TENM4: variants seen among roughly 807,000 people sequenced by gnomAD.
TENM4 encodes teneurin-4.
In TENM4, 82 loss-of-function variants were observed where a neutral mutation model predicts 243.3. The ratio of observed to expected loss-of-function variants is 0.34; its 90% confidence interval spans 0.28 to 0.40. The LOEUF (loss-of-function observed/expected upper bound fraction) is 0.40, where lower values mean the gene tolerates loss of function less well. Ranked by LOEUF, TENM4 falls within the 10% of genes least tolerant of loss-of-function variation. TENM4 has a pLI of 1.00. For missense variants in TENM4, 3,138 were observed against 3,673.3 expected, an observed-to-expected ratio of 0.85 and a Z score of 3.77; for synonymous variants, 1,412 against 1,456.3, an observed-to-expected ratio of 0.97 and a Z score of 0.69.
chr11:79,425,851 C>T (rs1565341706), intron 1 of TENM4, among the ~76,000 whole-genome samples: 1 of 152,286 alleles, frequency 6.6e-6, no homozygotes, highest in Non-Finnish European at 1.5e-5. Flanking sequence ...AACAGTGAGA[C>T]ATGTGATGAC....
At chr11:78,990,553 C>T (rs1169878919) in intron 6 of TENM4, among the ~76,000 whole-genome samples, 6 of 152,184 alleles carry the variant, frequency 3.9e-5, no homozygotes, top group African/African-American at 7.2e-5. Flanking sequence ...GAGTAATCCA[C>T]GAGATATACT....
intron 6 of TENM4, among the ~76,000 whole-genome samples, chr11:79,031,999 CCTTT>C (rs1285430980): frequency 1.3e-5 from 2 of 152,172 alleles, no homozygotes; most frequent in African/African-American, 4.8e-5. Flanking sequence ...GTTGAAAAGC[CCTTT>C]TCTGTAGCCT....
intron 19 of TENM4, among the ~76,000 whole-genome samples, chr11:78,752,869 A>T (rs962301735): frequency 6.6e-6 from 1 of 152,052 alleles, no homozygotes; most frequent in African/African-American, 2.4e-5. Context: ...TTTACTTTCC[A>T]TTAAGGAAGT....
At chr11:79,301,334 G>A (rs1458730852) in intron 1 of TENM4, among the ~76,000 whole-genome samples, 1 of 152,102 alleles carries the variant, frequency 6.6e-6, no homozygotes. Flanking sequence ...CTGTAATTGA[G>A]CCACACTGGC....
chr11:79,240,437 G>T (rs1864568473), intron 2 of TENM4, among the ~76,000 whole-genome samples: 1 of 152,078 alleles, frequency 6.6e-6, no homozygotes, highest in Admixed American at 6.6e-5. Flanking sequence ...TCCATCATAG[G>T]CCACCTCCTC....
At chr11:78,782,734 C>A (rs1269997215) in intron 16 of TENM4, among the ~76,000 whole-genome samples, 17 of 151,642 alleles carry the variant, frequency 1.1e-4, no homozygotes, top group Admixed American at 6.6e-5. Context: ...CCACTGTACT[C>A]CAGCATGCGC....
At chr11:79,041,806 G>A (rs1471670646) in intron 6 of TENM4, among the ~76,000 whole-genome samples, 4 of 152,246 alleles carry the variant, frequency 2.6e-5, no homozygotes, top group African/African-American at 7.2e-5. Flanking sequence ...GGACCCAACA[G>A]TTTTGAATAG....
chr11:78,728,745 G>A (rs1855581767), intron 22 of TENM4, among the ~76,000 whole-genome samples: 1 of 152,140 alleles, frequency 6.6e-6, no homozygotes, highest in Non-Finnish European at 1.5e-5. Flanking sequence ...GCAGGGTTAG[G>A]CCTGCTGAGA....
Position 78,790,530 on chromosome 11 carries a change from C to A in TENM4, c.2180-3447G>T, listed in dbSNP as rs181829149. On this transcript the variant is annotated intron_variant, in intron 15 of 33. Coordinates refer to ENST00000278550, the MANE Select transcript of TENM4 (RefSeq NM_001098816.3). Reference sequence around the variant, plus strand: ...TGGACAATTTCTCATTGAACTATCACAACAAGGCTGTGAAAATGCCTGGCT... The same window carrying A: ...TGGACAATTTCTCATTGAACTATCAAAACAAGGCTGTGAAAATGCCTGGCT... Among the ~76,000 whole-genome samples, 4 of 152,292 alleles carry A rather than the reference C, an allele frequency of 2.6e-5. No individual in the cohort carries two copies. The East Asian group carries it at 7.7e-4, about 29-fold the overall frequency.
At chr11:79,368,817 G>A (rs571395686) in intron 1 of TENM4, among the ~76,000 whole-genome samples, 3 of 152,268 alleles carry the variant, frequency 2.0e-5, no homozygotes, top group East Asian at 1.9e-4. Context: ...TGTCATCATC[G>A]TAGTGGGCAA....
chr11:79,244,117 T>A (rs1855472727), intron 2 of TENM4, among the ~76,000 whole-genome samples: 1 of 152,154 alleles, frequency 6.6e-6, no homozygotes, highest in South Asian at 2.1e-4. Context: ...CACAAGTTGC[T>A]GGGTCCCACC....
intron 17 of TENM4, among the ~76,000 whole-genome samples, chr11:78,772,807 G>T (rs1253556118): frequency 6.6e-6 from 1 of 152,246 alleles, no homozygotes; most frequent in Non-Finnish European, 1.5e-5. Flanking sequence ...GAAGAAACAT[G>T]TAACAATTGT....
intron 1 of TENM4, among the ~76,000 whole-genome samples, chr11:79,374,159 A>C (rs1367386265): frequency 6.6e-6 from 1 of 152,220 alleles, no homozygotes; most frequent in Non-Finnish European, 1.5e-5. Flanking sequence ...ACACTCTTTG[A>C]GGACCGAAAT....
At chr11:78,880,457 T>A (rs1859401941) in intron 9 of TENM4, among the ~76,000 whole-genome samples, 1 of 104,606 alleles carries the variant, frequency 9.6e-6, no homozygotes. Flanking sequence ...CAATAAATAC[T>A]AAAAAAAAAA....
intron 7 of TENM4, among the ~76,000 whole-genome samples, chr11:78,898,934 A>G (rs1301726182): frequency 6.6e-6 from 1 of 152,204 alleles, no homozygotes; most frequent in African/African-American, 2.4e-5. Context: ...CATTTACTAT[A>G]TGCTAAGACA....
At chr11:79,285,460 A>G (rs1856233923) in intron 2 of TENM4, among the ~76,000 whole-genome samples, 1 of 152,254 alleles carries the variant, frequency 6.6e-6, no homozygotes, top group Non-Finnish European at 1.5e-5. Flanking sequence ...GTTGCTAAAA[A>G]TGTTAATCAT....
intron 1 of TENM4, among the ~76,000 whole-genome samples, chr11:79,333,391 A>G (rs1159623473): frequency 1.3e-5 from 2 of 152,126 alleles, no homozygotes; most frequent in Non-Finnish European, 2.9e-5. Flanking sequence ...GGGGTCTTTC[A>G]TTTAATCTTT....
At chr11:79,363,264 G>A (rs944474118) in intron 1 of TENM4, among the ~76,000 whole-genome samples, 1 of 152,210 alleles carries the variant, frequency 6.6e-6, no homozygotes, top group Non-Finnish European at 1.5e-5. Context: ...TAGGGCAATT[G>A]CTGTGTGTTC....
At chr11:78,667,848 C>T (rs536669746) in intron 32 of TENM4, among the ~76,000 whole-genome samples, 1 of 152,290 alleles carries the variant, frequency 6.6e-6, no homozygotes, top group South Asian at 2.1e-4. Flanking sequence ...CCAATTTTTG[C>T]CTATCACAAA....
Sources: gnomAD v4.1 joint callset for allele counts (sites outside exome capture counted in the v4.1 genomes callset) on GRCh38, gnomAD v4.1.1 for gene constraint, MANE v1.5 for transcripts, NCBI Gene and HGNC (gene_info 2026-07-23, HGNC 2026-07-21) for gene names.